OPCML: variants seen among roughly 807,000 people sequenced by gnomAD.
OPCML encodes opioid binding protein/cell adhesion molecule like.
OPCML carries 13 observed loss-of-function variants against 37.8 expected under a neutral mutation model. The observed-to-expected ratio is 0.34, with a 90% CI of 0.22 to 0.55. The LOEUF is 0.55. Ranked by LOEUF, OPCML falls within the 20% of genes least tolerant of loss-of-function variation. OPCML has a pLI of 0.91. For synonymous variants in OPCML, 176 were observed against 168.8 expected, an observed-to-expected ratio of 1.04 and a Z score of -0.33; for missense variants, 341 against 435.6, an observed-to-expected ratio of 0.78 and a Z score of 1.93.
intron 1 of OPCML, among the ~76,000 whole-genome samples, chr11:133,244,504 G>C (rs1025224015): frequency 6.6e-6 from 1 of 152,134 alleles, no homozygotes; most frequent in African/African-American, 2.4e-5. Context: ...AATACACATG[G>C]TCTGGGATAT....
At chr11:133,151,088 C>T (rs569980305) in intron 1 of OPCML, among the ~76,000 whole-genome samples, 19 of 151,736 alleles carry the variant, frequency 1.3e-4, no homozygotes, top group South Asian at 2.1e-4. Context: ...GCCTGACCAA[C>T]GTGGTGAAAC....
intron 1 of OPCML, among the ~76,000 whole-genome samples, chr11:133,222,163 C>G (rs915894374): frequency 6.6e-6 from 1 of 152,108 alleles, no homozygotes; most frequent in African/African-American, 2.4e-5. Context: ...GCTGTAGAGA[C>G]CAGACAGGGA....
intron 3 of OPCML, among the ~76,000 whole-genome samples, chr11:132,579,980 A>T (rs756946291): frequency 1.3e-5 from 2 of 152,202 alleles, no homozygotes; most frequent in African/African-American, 2.4e-5. Context: ...ATGAGTTCTC[A>T]TCAAGGGCAG....
intron 1 of OPCML, among the ~76,000 whole-genome samples, chr11:132,999,569 C>CGGGG (rs1565390172): frequency 9.9e-5 from 14 of 141,344 alleles, no homozygotes; most frequent in African/African-American, 3.6e-4. Flanking sequence ...CAAATGGGGT[C>CGGGG]GGGGGGGGAA....
chr11:133,386,816 G>A (rs1565607257), intron 1 of OPCML, among the ~76,000 whole-genome samples: 2 of 152,154 alleles, frequency 1.3e-5, no homozygotes, highest in South Asian at 2.1e-4. Context: ...CACTGGGAGC[G>A]AAAACTGGCA....
chr11:132,539,180 G>T (rs2096349089), intron 3 of OPCML, among the ~76,000 whole-genome samples: 1 of 152,174 alleles, frequency 6.6e-6, no homozygotes, highest in African/African-American at 2.4e-5. Flanking sequence ...GTCATCATGA[G>T]AATCTATGTG....
chr11:133,420,497 T>C (rs878864297), intron 1 of OPCML: 3 of 984,762 alleles, frequency 3.0e-6, no homozygotes, highest in Non-Finnish European at 3.6e-6. Context: ...TTTATTTTTT[T>C]TCTGGCCTCA....
chr11:133,520,493 C>A (rs1565680700), intron 1 of OPCML, among the ~76,000 whole-genome samples: 1 of 152,114 alleles, frequency 6.6e-6, no homozygotes, highest in African/African-American at 2.4e-5. Context: ...TGTGGGGACA[C>A]GAGATGATGT....
At chr11:132,696,773 C>T (rs191046988) in intron 2 of OPCML, among the ~76,000 whole-genome samples, 25 of 152,056 alleles carry the variant, frequency 1.6e-4, no homozygotes, top group Non-Finnish European at 3.2e-4. Flanking sequence ...AAGATGTAGT[C>T]AACCCAAAAA....
intron 3 of OPCML, among the ~76,000 whole-genome samples, chr11:132,552,761 C>CTTTTTTTTTTTTTTTTT (rs2096384944): frequency 1.5e-5 from 1 of 67,480 alleles, no homozygotes; most frequent in African/African-American, 1.1e-4. Context: ...TTAAACACTA[C>CTTTTTTTTTTTTTTTTT]TCTTTTTTTT....
At chr11:132,483,887 C>A (rs1334692827) in intron 4 of OPCML, among the ~76,000 whole-genome samples, 1 of 151,802 alleles carries the variant, frequency 6.6e-6, no homozygotes, top group Non-Finnish European at 1.5e-5. Context: ...AAACTGGATC[C>A]CTTCCTTACA....
At chr11:133,402,712 C>T (rs1447589188) in intron 1 of OPCML, among the ~76,000 whole-genome samples, 2 of 152,116 alleles carry the variant, frequency 1.3e-5, no homozygotes, top group South Asian at 2.1e-4. Flanking sequence ...AGAGGTTGTC[C>T]CCACACAGCT....
At chr11:132,813,560 C>A (rs1310137395) in intron 2 of OPCML, among the ~76,000 whole-genome samples, 4 of 152,112 alleles carry the variant, frequency 2.6e-5, no homozygotes, top group African/African-American at 7.2e-5. Flanking sequence ...CTTCTGTATC[C>A]CCATCTTAAA....
At chr11:133,024,537 C>A (rs1044519223) in intron 1 of OPCML, 5 of 985,206 alleles carry the variant, frequency 5.1e-6, no homozygotes, top group African/African-American at 1.7e-5. Flanking sequence ...CTGTAATATA[C>A]CCTTTGCACG....
chr11:132,537,037 C>T (rs1245319337), intron 3 of OPCML, among the ~76,000 whole-genome samples: 8 of 152,138 alleles, frequency 5.3e-5, no homozygotes, highest in Admixed American at 2.0e-4. Flanking sequence ...CCCTGGGAGC[C>T]GATGGTCTTT....
At chr11:133,446,859 G>A (rs1177541828) in intron 1 of OPCML, among the ~76,000 whole-genome samples, 1 of 152,154 alleles carries the variant, frequency 6.6e-6, no homozygotes, top group African/African-American at 2.4e-5. Flanking sequence ...TCATGCTGAA[G>A]CATGTTTCAG....
At chr11:132,787,903 A>G (rs773964498) in intron 2 of OPCML, among the ~76,000 whole-genome samples, 2 of 152,110 alleles carry the variant, frequency 1.3e-5, no homozygotes, top group Non-Finnish European at 2.9e-5. Context: ...TGTTTTTGAG[A>G]CAGAGTCTCG....
rs565092941 is a variant in OPCML at position 133,198,512 on chromosome 11, C to T, written c.62-255502G>A. On this transcript the variant is annotated intron_variant, in intron 1 of 7. Transcript: ENST00000524381. ...ACCAAGACATTGGGCATGAAAGAGC[C>T]GGAAATGAGAAGAACTTCACGATTG... Among the ~76,000 whole-genome samples, 21 of 152,196 alleles carry T rather than the reference C, an allele frequency of 1.4e-4. No individual in the cohort carries two copies. The East Asian group carries it at 3.1e-3, about 22-fold the overall frequency.
At chr11:132,517,943 G>A (rs1024440640) in intron 4 of OPCML, among the ~76,000 whole-genome samples, 1 of 152,096 alleles carries the variant, frequency 6.6e-6, no homozygotes, top group African/African-American at 2.4e-5. Flanking sequence ...AGAATGAGTA[G>A]ATCAGAAATG....
Sources: allele counts gnomAD v4.1 joint callset (sites outside exome capture counted in the v4.1 genomes callset), GRCh38; gene constraint gnomAD v4.1.1; transcripts MANE v1.5; gene names NCBI Gene and HGNC (gene_info 2026-07-23, HGNC 2026-07-21).